CAST: variants seen among roughly 807,000 people sequenced by gnomAD.
The protein encoded by CAST is MIR583 host.
CAST carries 76 observed loss-of-function variants against 119.6 expected under a neutral mutation model. That is an observed-to-expected ratio of 0.64 (90% CI 0.53 to 0.77). The LOEUF is 0.77. Among genes scored for constraint, CAST ranks in the 30% least tolerant of loss-of-function variants. The pLI is 0.00. For synonymous variants in CAST, 319 were observed against 331.6 expected (o/e 0.96, Z 0.41); for missense variants, 953 against 946.5 (o/e 1.01, Z -0.09).
At chr5:96,696,540 T>C (rs1753312666) in intron 3 of CAST, among the ~76,000 whole-genome samples, 1 of 151,876 alleles carries the variant, frequency 6.6e-6, no homozygotes, top group South Asian at 2.1e-4. Context: ...ACCTCACCTT[T>C]CGAGGCAAGA....
At chr5:96,075,654 T>C in the CAST span, among the ~76,000 whole-genome samples, 17 of 152,286 alleles carry the variant, frequency 1.1e-4, no homozygotes, top group African/African-American at 4.1e-4. Flanking sequence ...TTTCAAAGTA[T>C]TGAGTTTCAT....
At chr5:96,160,977 T>C in the CAST span, among the ~76,000 whole-genome samples, 1 of 152,200 alleles carries the variant, frequency 6.6e-6, no homozygotes, top group Admixed American at 6.5e-5. Context: ...TATTATTGAA[T>C]TGTAAGAGCC....
intron 1 of CAST, among the ~76,000 whole-genome samples, chr5:96,648,212 T>G (rs1748044608): frequency 1.3e-5 from 2 of 152,232 alleles, no homozygotes; most frequent in South Asian, 4.1e-4. Context: ...ACCCTCTTTT[T>G]GCTAAACTGT....
chr5:96,220,473 T>G, the CAST span, among the ~76,000 whole-genome samples: 1 of 152,340 alleles, frequency 6.6e-6, no homozygotes, highest in Non-Finnish European at 1.5e-5. Flanking sequence ...AATAAACCTT[T>G]GAAATTATCT....
chr5:96,280,469 T>G, the CAST span, among the ~76,000 whole-genome samples: 1 of 152,090 alleles, frequency 6.6e-6, no homozygotes, highest in Non-Finnish European at 1.5e-5. Context: ...GAAAAGAAAA[T>G]TTTGCTTATA....
At chr5:96,106,770 G>T in the CAST span, among the ~76,000 whole-genome samples, 1 of 151,068 alleles carries the variant, frequency 6.6e-6, no homozygotes, top group Non-Finnish European at 1.5e-5. Flanking sequence ...TCAATTTCTG[G>T]GTATCCTTGT....
chr5:96,545,995 A>T (rs1275741418), intron 1 of CAST, among the ~76,000 whole-genome samples: 1 of 152,160 alleles, frequency 6.6e-6, no homozygotes, highest in East Asian at 1.9e-4. Context: ...GCAGTTAGCC[A>T]TTGCCTGTGA....
the CAST span, among the ~76,000 whole-genome samples, chr5:96,292,913 A>G: frequency 6.6e-6 from 1 of 152,112 alleles, no homozygotes; most frequent in African/African-American, 2.4e-5. Context: ...AGCCAGCTGG[A>G]GTTTGGTTTT....
At chr5:96,477,611 A>G in the CAST span, among the ~76,000 whole-genome samples, 9 of 152,266 alleles carry the variant, frequency 5.9e-5, no homozygotes, top group Middle Eastern at 3.4e-3. Flanking sequence ...TTTGCTCTCA[A>G]TGTGACTCCT....
At chr5:96,452,640 T>TAAAAAAAAAA in the CAST span, among the ~76,000 whole-genome samples, 25 of 90,124 alleles carry the variant, frequency 2.8e-4, 1 homozygote, top group Admixed American at 1.3e-3. Context: ...TAAAGTATAA[T>TAAAAAAAAAA]AAAAAAAAAA....
intron 25 of CAST, chr5:96,763,253 G>A: frequency 1.3e-6 from 1 of 780,682 alleles, no homozygotes. Flanking sequence ...AGGCACAAAT[G>A]ACAAAGCCCA....
chr5:96,231,101 A>G, the CAST span, among the ~76,000 whole-genome samples: 1 of 152,154 alleles, frequency 6.6e-6, no homozygotes, highest in Non-Finnish European at 1.5e-5. Flanking sequence ...ACATAGATTT[A>G]CCATATGATC....
At chr5:96,345,042 T>C in the CAST span, among the ~76,000 whole-genome samples, 1 of 152,164 alleles carries the variant, frequency 6.6e-6, no homozygotes, top group Non-Finnish European at 1.5e-5. Context: ...GATATGGAAA[T>C]GAAATTCAAT....
the CAST span, among the ~76,000 whole-genome samples, chr5:96,344,308 G>A: frequency 0.057 from 8,704 of 152,220 alleles, 812 homozygotes; most frequent in African/African-American, 0.2. Flanking sequence ...ATATTCAAAT[G>A]TGTGGAATGA....
chr5:96,675,337 C>G (rs536925551), intron 1 of CAST, among the ~76,000 whole-genome samples: 1 of 152,142 alleles, frequency 6.6e-6, no homozygotes, highest in Non-Finnish European at 1.5e-5. Context: ...TACAGACTGA[C>G]CTTCTAGATT....
At chr5:96,222,147 A>T in the CAST span, among the ~76,000 whole-genome samples, 1 of 152,180 alleles carries the variant, frequency 6.6e-6, no homozygotes, top group Non-Finnish European at 1.5e-5. Context: ...ACATGAAACT[A>T]TAAAACTACT....
At chr5:96,705,939 A>G (rs559972433) in intron 3 of CAST, among the ~76,000 whole-genome samples, 1 of 152,356 alleles carries the variant, frequency 6.6e-6, no homozygotes, top group Non-Finnish European at 1.5e-5. Flanking sequence ...AGTGCATGAA[A>G]AGTTATCACA....
chr5:96,741,983 A>T (rs1038107223), intron 15 of CAST: 1 of 169,420 alleles, frequency 5.9e-6, no homozygotes, highest in African/African-American at 2.4e-5. Flanking sequence ...TCACTATGAC[A>T]TAATTCTCAC....
the CAST span, among the ~76,000 whole-genome samples, chr5:96,256,138 A>G: frequency 1.3e-5 from 2 of 150,796 alleles, no homozygotes; most frequent in Non-Finnish European, 3.0e-5. Flanking sequence ...ATATAAATGT[A>G]TCACCATCAA....
Sources: gnomAD v4.1 joint callset for allele counts (sites outside exome capture counted in the v4.1 genomes callset) on GRCh38, gnomAD v4.1.1 for gene constraint, MANE v1.5 for transcripts, NCBI Gene and HGNC (gene_info 2026-07-23, HGNC 2026-07-21) for gene names.